The following EFCAB12 variants were observed in gnomAD, a reference collection of about 807,000 sequenced individuals.
The protein encoded by EFCAB12 is EF-hand calcium binding domain 12, also known as EF-hand calcium-binding domain-containing protein 12.
Under a neutral mutation model 53.6 loss-of-function variants are expected in EFCAB12, and 43 were observed. The ratio of observed to expected loss-of-function variants is 0.80; its 90% CI spans 0.63 to 1.03. The LOEUF (loss-of-function observed/expected upper bound fraction) is 1.03, where lower values mean the gene tolerates loss of function less well. Among genes scored for constraint, EFCAB12 ranks in the 50% least tolerant of loss-of-function variants. The pLI is 0.00. For synonymous variants in EFCAB12, 269 were observed against 289.2 expected (o/e 0.93, Z 0.71); for missense variants, 646 against 730.6 (o/e 0.88, Z 1.34).
chr3:129,404,012 G>T, intron 7 of EFCAB12: 1 of 471,538 alleles, frequency 2.1e-6, no homozygotes, highest in African/African-American at 1.9e-5. Context: ...CAGGACTGGG[G>T]TCAGGAGGGT....
rs1185937105 is a variant in EFCAB12 at position 129,428,500 on chromosome 3, TG to T, written c.-13del. On this transcript the variant is annotated 5_prime_UTR_variant, in exon 1 of 9. Transcript: ENST00000505956. ...TAGTCGTCGTCCATGGTCGTGGTGCTGGGAGGGGGTGCTGAAGGGCGTGTGT... is the reference window on the plus strand; with the variant it reads ...TAGTCGTCGTCCATGGTCGTGGTGCTGGAGGGGGTGCTGAAGGGCGTGTGT... 4 of 1,610,836 alleles carry T rather than the reference TG, an allele frequency of 2.5e-6. No homozygotes were observed. In the Admixed American group the frequency reaches 5.0e-5, roughly 20 times the overall value.
chr3:129,401,886 G>A, intron 8 of EFCAB12, 35 bp from the exon 9 acceptor site: 3 of 1,598,776 alleles, frequency 1.9e-6, no homozygotes, highest in Non-Finnish European at 2.6e-6. Context: ...TGGTTGTCAT[G>A]GCAGACAGGC....
intron 3 of EFCAB12, 134 bp downstream of exon 3, chr3:129,418,120 G>T: frequency 1.3e-6 from 1 of 799,288 alleles, no homozygotes; most frequent in Non-Finnish European, 1.9e-6. Context: ...AAGGCTGACA[G>T]TTTGCACTCC....
intron 3 of EFCAB12, among the ~76,000 whole-genome samples, chr3:129,416,835 G>C (rs2072121934): frequency 6.6e-6 from 1 of 152,098 alleles, no homozygotes; most frequent in African/African-American, 2.4e-5. Flanking sequence ...ATTTTTTGTA[G>C]AGATGGGGGT....
chr3:129,402,744 C>A, intron 7 of EFCAB12, 165 bp from the exon 8 acceptor site: 1 of 650,252 alleles, frequency 1.5e-6, no homozygotes. Context: ...CTCTGTGCCT[C>A]CATGCTCCAG....
intron 6 of EFCAB12, among the ~76,000 whole-genome samples, chr3:129,407,239 C>G (rs1020350718): frequency 6.6e-6 from 1 of 152,212 alleles, no homozygotes; most frequent in African/African-American, 2.4e-5. Flanking sequence ...GCCCTGCTGG[C>G]ATCTTGATCT....
rs181651473 is a variant in EFCAB12 at position 129,422,366 on chromosome 3, C to T, written c.50-563G>A. Reference sequence around the variant, plus strand: ...CTATTATTGGTATATACTCACCATGCACTCATTTTGAAGCCCTTCCATGAC... The same window carrying T: ...CTATTATTGGTATATACTCACCATGTACTCATTTTGAAGCCCTTCCATGAC... On this transcript the variant is annotated intron_variant, in intron 1 of 8. Transcript: ENST00000505956. 3.5e-4 allele frequency among the ~76,000 whole-genome samples: 54 copies of T among 152,296 alleles called. 1 individual carries two copies. Among genetic ancestry groups the T allele is most frequent in the Admixed American group, 3.3e-3 (51 of 15,304 alleles).
At chr3:129,408,598 T>C (rs751900574) in intron 6 of EFCAB12, 47 bp downstream of exon 6, 1 of 1,546,116 alleles carries the variant, frequency 6.5e-7, no homozygotes, top group African/African-American at 1.4e-5. Context: ...ACCCCAGCTC[T>C]GGGGTTCCCT....
intron 6 of EFCAB12, among the ~76,000 whole-genome samples, chr3:129,406,087 C>T (rs1180129702): frequency 6.6e-6 from 1 of 150,806 alleles, no homozygotes; most frequent in Non-Finnish European, 1.5e-5. Flanking sequence ...CTGGTGGGGA[C>T]AGACAAAGAA....
intron 3 of EFCAB12, among the ~76,000 whole-genome samples, chr3:129,417,778 C>G (rs1160191068): frequency 6.7e-6 from 1 of 149,204 alleles, no homozygotes; most frequent in African/African-American, 2.5e-5. Context: ...GTCCATAGAC[C>G]AGTACTACAG....
chr3:129,421,875 C>T, intron 1 of EFCAB12, 72 bp from the exon 2 acceptor site: 6 of 1,452,386 alleles, frequency 4.1e-6, no homozygotes, highest in Non-Finnish European at 5.5e-6. Context: ...AGGAAAAACA[C>T]TTTTGCTCCA....
intron 3 of EFCAB12, among the ~76,000 whole-genome samples, chr3:129,415,962 A>C (rs1164548131): frequency 6.6e-6 from 1 of 152,226 alleles, no homozygotes; most frequent in Admixed American, 6.5e-5. Flanking sequence ...TTTGTTCTTC[A>C]GTTTCTTTAG....
intron 3 of EFCAB12, among the ~76,000 whole-genome samples, chr3:129,415,610 C>CA (rs2072105928): frequency 6.6e-6 from 1 of 152,304 alleles, no homozygotes; most frequent in African/African-American, 2.4e-5. Flanking sequence ...TGCCTTTGCT[C>CA]AGGCAGTTCC....
At chr3:129,407,827 T>C (rs1041657715) in intron 6 of EFCAB12, among the ~76,000 whole-genome samples, 49 of 152,316 alleles carry the variant, frequency 3.2e-4, no homozygotes, top group Admixed American at 1.8e-3. Context: ...GGCAGGAGAA[T>C]TGCTTGAACC....
chr3:129,413,040 C>T (rs1291509665), intron 4 of EFCAB12: 1 of 152,230 alleles, frequency 6.6e-6, no homozygotes, highest in East Asian at 1.9e-4. Context: ...CTCTGAGCTC[C>T]AGCTTCCTCC....
chr3:129,403,146 C>T (rs1450759766), intron 7 of EFCAB12: 1 of 153,048 alleles, frequency 6.5e-6, no homozygotes, highest in East Asian at 1.9e-4. Flanking sequence ...TATGGCCTAC[C>T]TAAGCATGGA....
In EFCAB12 at chr3:129,412,472, A is replaced by G. The variant is rs958260370; in HGVS notation, c.839-1118T>C. ...TAGATAGATAGATAGATAGATAGAT[A>G]GATAGACAGACTGACCGACCGACCA... On this transcript the variant is annotated intron_variant, in intron 4 of 8. Transcript: ENST00000505956. 3 of 139,978 alleles carry G rather than the reference A, an allele frequency of 2.1e-5. No individual in the cohort carries two copies. The South Asian group carries it at 6.5e-4, about 30-fold the overall frequency. 8.7% of individuals were successfully genotyped at this position (139,978 alleles called of 1,614,324 possible). A position where few individuals can be genotyped will look rare whatever the true frequency, so the allele number is the denominator to read the frequency against.
chr3:129,415,162 T>A, intron 4 of EFCAB12, 83 bp downstream of exon 4: 1 of 1,448,288 alleles, frequency 6.9e-7, no homozygotes, highest in Non-Finnish European at 9.1e-7. Context: ...GGAAGTGAGT[T>A]TGGAGGAGAG....
chr3:129,410,096 C>A (rs1392444711), intron 5 of EFCAB12, among the ~76,000 whole-genome samples: 1 of 151,926 alleles, frequency 6.6e-6, no homozygotes, highest in Non-Finnish European at 1.5e-5. Context: ...CAGCCTTGGC[C>A]TCCCAGGTTC....
Sources: gnomAD v4.1 joint callset for allele counts (sites outside exome capture counted in the v4.1 genomes callset) on GRCh38, gnomAD v4.1.1 for gene constraint, MANE v1.5 for transcripts, NCBI Gene and HGNC (gene_info 2026-07-23, HGNC 2026-07-21) for gene names.